PTPRD: variants seen among roughly 807,000 people sequenced by gnomAD.
The protein encoded by PTPRD is protein tyrosine phosphatase receptor type D.
PTPRD carries 34 observed loss-of-function variants against 214.5 expected under a neutral mutation model. That is an observed-to-expected ratio of 0.16 (90% confidence interval 0.12 to 0.21). The LOEUF (loss-of-function observed/expected upper bound fraction) is 0.21. Ranked by LOEUF, PTPRD falls within the 10% of genes least tolerant of loss-of-function variation. The pLI is 1.00. For synonymous variants in PTPRD, 1,128 were observed against 845.7 expected (o/e 1.33, Z -5.79); for missense variants, 2,545 against 2,398.7 (o/e 1.06, Z -1.27).
intron 3 of PTPRD, among the ~76,000 whole-genome samples, chr9:10,130,659 T>A (rs1016582081): frequency 2.6e-5 from 4 of 152,086 alleles, no homozygotes; most frequent in East Asian, 1.9e-4. Context: ...CGATTATAAG[T>A]AAAAACTAAT....
chr9:9,374,785 A>G (rs2060361329), intron 9 of PTPRD, among the ~76,000 whole-genome samples: 1 of 152,158 alleles, frequency 6.6e-6, no homozygotes, highest in Non-Finnish European at 1.5e-5. Context: ...TTTGTCTTAC[A>G]TTGGGCAAGG....
chr9:9,994,148 A>G (rs1479929506), intron 4 of PTPRD, among the ~76,000 whole-genome samples: 1 of 152,150 alleles, frequency 6.6e-6, no homozygotes. Context: ...GTCTGGCTCT[A>G]AAGTCTTTGT....
chr9:10,300,798 G>A (rs1243276981), intron 3 of PTPRD, among the ~76,000 whole-genome samples: 1 of 152,090 alleles, frequency 6.6e-6, no homozygotes, highest in Non-Finnish European at 1.5e-5. Context: ...CCATCTCCCT[G>A]AGACCGAGCA....
intron 4 of PTPRD, among the ~76,000 whole-genome samples, chr9:9,956,055 C>T (rs528819535): frequency 1.2e-4 from 19 of 152,154 alleles, no homozygotes; most frequent in Non-Finnish European, 2.4e-4. Context: ...CTGTTGATCA[C>T]GTGTTAAATG....
chr9:10,006,386 C>T (rs1188472783), intron 4 of PTPRD, among the ~76,000 whole-genome samples: 1 of 151,832 alleles, frequency 6.6e-6, no homozygotes, highest in African/African-American at 2.4e-5. Flanking sequence ...ATGCTGATCC[C>T]ACTTACTTAA....
intron 7 of PTPRD, among the ~76,000 whole-genome samples, chr9:9,696,290 A>C (rs1489215024): frequency 1.3e-5 from 2 of 152,142 alleles, no homozygotes; most frequent in Non-Finnish European, 2.9e-5. Context: ...AATTGGATGA[A>C]ATGTTCTACA....
At chr9:10,053,430 G>A (rs1391631120) in intron 3 of PTPRD, among the ~76,000 whole-genome samples, 1 of 152,092 alleles carries the variant, frequency 6.6e-6, no homozygotes, top group Non-Finnish European at 1.5e-5. Flanking sequence ...ATTTGGTCAG[G>A]AGTTTAAATA....
intron 11 of PTPRD, among the ~76,000 whole-genome samples, chr9:8,972,672 G>C (rs554529163): frequency 2.0e-5 from 3 of 151,866 alleles, no homozygotes; most frequent in Non-Finnish European, 4.4e-5. Context: ...GGATGCAAAG[G>C]ATTTCCTTTT....
chr9:9,826,397 T>TA (rs1047188194), intron 5 of PTPRD, among the ~76,000 whole-genome samples: 6 of 151,904 alleles, frequency 3.9e-5, no homozygotes, highest in East Asian at 3.9e-4. Flanking sequence ...TTCAATTATT[T>TA]AAAAAAAATA....
chr9:9,241,206 CTG>C (rs2099970193), intron 9 of PTPRD, among the ~76,000 whole-genome samples: 1 of 152,030 alleles, frequency 6.6e-6, no homozygotes, highest in Non-Finnish European at 1.5e-5. Flanking sequence ...TTTAAAGAAA[CTG>C]TTTTGTTTTG....
intron 41 of PTPRD, among the ~76,000 whole-genome samples, chr9:8,340,725 T>C (rs1238346351): frequency 2.7e-5 from 4 of 150,932 alleles, no homozygotes; most frequent in Non-Finnish European, 4.4e-5. Flanking sequence ...GCAATGCTAA[T>C]AGCTCAATTT....
rs543692451 is a variant in PTPRD, at chr9:8,337,196, C to A, written c.5379+1726G>T. 2.0e-3 allele frequency among the ~76,000 whole-genome samples: 299 copies of A among 152,238 alleles called. 2 individuals are homozygous for A. Among genetic ancestry groups the A allele is most frequent in the Non-Finnish European group, 3.7e-3 (254 of 68,014 alleles). ...CACAATAGCAAAGACTTGTAACCAA[C>A]CCAAATGTCCATCAATGATAGATTG... On this transcript the variant is annotated intron_variant, in intron 43 of 45. Coordinates refer to ENST00000381196, the MANE Select transcript of PTPRD (RefSeq NM_002839.4).
chr9:8,406,885 C>T (rs1053315457), intron 35 of PTPRD, among the ~76,000 whole-genome samples: 1 of 152,162 alleles, frequency 6.6e-6, no homozygotes, highest in Non-Finnish European at 1.5e-5. Context: ...TCTTACACAT[C>T]ATTTAAACAT....
chr9:9,448,961 A>C (rs542555355), intron 8 of PTPRD, among the ~76,000 whole-genome samples: 79 of 152,084 alleles, frequency 5.2e-4, no homozygotes, highest in Non-Finnish European at 9.1e-4. Flanking sequence ...ATTTGCACAG[A>C]TGTCTGCTCT....
At chr9:10,047,789 T>G (rs1351043049) in intron 3 of PTPRD, among the ~76,000 whole-genome samples, 3 of 152,128 alleles carry the variant, frequency 2.0e-5, no homozygotes, top group African/African-American at 7.2e-5. Flanking sequence ...TTAATTTGAC[T>G]CAGACATAAT....
intron 14 of PTPRD, among the ~76,000 whole-genome samples, chr9:8,563,110 C>A (rs1482025515): frequency 6.6e-6 from 1 of 151,986 alleles, no homozygotes; most frequent in Non-Finnish European, 1.5e-5. Flanking sequence ...AAATAATAAG[C>A]CTGAGTGTCA....
At chr9:8,856,752 C>G (rs2097922962) in intron 11 of PTPRD, among the ~76,000 whole-genome samples, 1 of 152,174 alleles carries the variant, frequency 6.6e-6, no homozygotes, top group Non-Finnish European at 1.5e-5. Flanking sequence ...AATGGAACTA[C>G]TATCTGGAAT....
intron 11 of PTPRD, among the ~76,000 whole-genome samples, chr9:8,933,128 C>T (rs1294185934): frequency 6.6e-6 from 1 of 152,008 alleles, no homozygotes; most frequent in African/African-American, 2.4e-5. Flanking sequence ...GAGGGAGTTC[C>T]CCGACCCCTT....
chr9:10,595,064 G>C (rs1010603828), intron 2 of PTPRD, among the ~76,000 whole-genome samples: 2 of 151,784 alleles, frequency 1.3e-5, no homozygotes, highest in East Asian at 3.9e-4. Context: ...GTTAATCTCA[G>C]AGTTTAAAAT....
Sources: gnomAD v4.1 joint callset for allele counts (sites outside exome capture counted in the v4.1 genomes callset) on GRCh38, gnomAD v4.1.1 for gene constraint, MANE v1.5 for transcripts, NCBI Gene and HGNC (gene_info 2026-07-23, HGNC 2026-07-21) for gene names.